The following CRYBG1 variants were observed in gnomAD, a reference collection of about 807,000 sequenced individuals.
CRYBG1 encodes the protein beta/gamma crystallin domain-containing protein 1.
In CRYBG1, 139 loss-of-function variants were observed where a neutral mutation model predicts 189.2. The observed-to-expected ratio is 0.73, with a 90% CI of 0.64 to 0.85. The LOEUF is 0.85. CRYBG1 is among the 40% of genes least tolerant of loss of function. The pLI is 0.00. For missense variants in CRYBG1, 2,611 were observed against 2,675.8 expected (o/e 0.98, Z 0.53); for synonymous variants, 1,023 against 1,017.1 (o/e 1.01, Z -0.11).
chr6:106,540,250 GTGT>G (rs1394976214), intron 9 of CRYBG1, among the ~76,000 whole-genome samples: 3 of 152,238 alleles, frequency 2.0e-5, no homozygotes, highest in African/African-American at 7.2e-5. Flanking sequence ...GTTGAGCGCA[GTGT>G]GTGCTGCAGC....
At chr6:106,419,776 A>G (rs538917926) in intron 1 of CRYBG1, among the ~76,000 whole-genome samples, 1 of 152,356 alleles carries the variant, frequency 6.6e-6, no homozygotes, top group East Asian at 1.9e-4. Context: ...GATAGCCTCC[A>G]GCAAGCTCCA....
At chr6:106,566,958 G>A (rs1386235388) in intron 21 of CRYBG1, among the ~76,000 whole-genome samples, 1 of 152,048 alleles carries the variant, frequency 6.6e-6, no homozygotes, top group African/African-American at 2.4e-5. Context: ...CACATACCTT[G>A]TAACAACAGT....
intron 2 of CRYBG1, among the ~76,000 whole-genome samples, chr6:106,456,108 C>T (rs1318173637): frequency 1.3e-5 from 2 of 152,182 alleles, no homozygotes; most frequent in Non-Finnish European, 2.9e-5. Flanking sequence ...CTGCTTTATT[C>T]TCAACTATCT....
intron 1 of CRYBG1, among the ~76,000 whole-genome samples, chr6:106,374,431 A>C (rs923579544): frequency 4.6e-5 from 7 of 152,072 alleles, no homozygotes; most frequent in Non-Finnish European, 8.8e-5. Context: ...GGTGGCATGC[A>C]CCTGTAGTCC....
chr6:106,373,946 G>A (rs936956353), intron 1 of CRYBG1, among the ~76,000 whole-genome samples: 9 of 152,228 alleles, frequency 5.9e-5, no homozygotes, highest in African/African-American at 2.2e-4. Flanking sequence ...ATGTGTGACT[G>A]TAACTGAGCA....
At chr6:106,487,980 C>A (rs6902015) in intron 2 of CRYBG1, among the ~76,000 whole-genome samples, 18,681 of 151,972 alleles carry the variant, frequency 0.12, 1,327 homozygotes, top group East Asian at 0.27. Context: ...TTTCCTATAC[C>A]TGGGTCTAGG....
intron 1 of CRYBG1, among the ~76,000 whole-genome samples, chr6:106,436,295 CT>C (rs56333625): frequency 0.099 from 13,435 of 135,344 alleles, 186 homozygotes; most frequent in African/African-American, 0.11. Flanking sequence ...CATGCAATCT[CT>C]TTTTTTTTTT....
rs1405233441 is a variant in CRYBG1 at position 106,520,861 on chromosome 6, A to G, written c.3653A>G (p.Glu1218Gly). The G allele has an allele frequency of 1.2e-6, 2 of 1,614,102 alleles. No homozygotes were observed. The highest frequency in any genetic ancestry group is 1.7e-6 in the Non-Finnish European group (2 of 1,180,036). Residue 1218 changes from glutamate (E) to glycine (G), a missense_variant, in exon 4 of 22, where the codon GAA (glutamate) becomes GGA (glycine). Physicochemically the swap from Glu to Gly is moderately conservative, Grantham distance 98. Coordinates refer to ENST00000633556, the MANE Select transcript of CRYBG1 (RefSeq NM_001371242.2). Reference sequence around the variant, plus strand: ...AACAGTGAGCCTCTGGTGATGCCGGAAATCAATGACAAAGAGAACAGGGAC... The same window carrying G: ...AACAGTGAGCCTCTGGTGATGCCGGGAATCAATGACAAAGAGAACAGGGAC... The part of the protein sequence containing the change: ...NGNSEPLVMP[E>G]INDKENRDVT...
At chr6:106,367,848 T>G (rs1413361133) in intron 1 of CRYBG1, among the ~76,000 whole-genome samples, 2 of 150,856 alleles carry the variant, frequency 1.3e-5, no homozygotes, top group Non-Finnish European at 2.9e-5. Context: ...ACACCTGTGG[T>G]CTCAGCTACT....
intron 17 of CRYBG1, among the ~76,000 whole-genome samples, chr6:106,558,161 AG>A (rs5878897): frequency 0.79 from 119,804 of 152,118 alleles, 48,961 homozygotes; most frequent in Non-Finnish European, 0.89. Context: ...TCCTTGTCCC[AG>A]TGAAAATGGC....
intron 1 of CRYBG1, among the ~76,000 whole-genome samples, chr6:106,436,665 A>T (rs1456928634): frequency 2.7e-5 from 3 of 109,236 alleles, no homozygotes; most frequent in Non-Finnish European, 3.9e-5. Context: ...GATAAATGGC[A>T]TTCCATAATA....
intron 2 of CRYBG1, among the ~76,000 whole-genome samples, chr6:106,467,987 T>G (rs1353840513): frequency 6.6e-6 from 1 of 152,048 alleles, no homozygotes; most frequent in Non-Finnish European, 1.5e-5. Context: ...GAGGGTGTCT[T>G]AAATGAGGGA....
intron 10 of CRYBG1, among the ~76,000 whole-genome samples, chr6:106,542,634 ATTTTATTT>A (rs1774159664): frequency 1.6e-5 from 2 of 126,158 alleles, no homozygotes; most frequent in South Asian, 4.6e-4. Flanking sequence ...ATTTTATTTT[ATTTTATTT>A]TATTTTATTT....
intron 10 of CRYBG1, among the ~76,000 whole-genome samples, chr6:106,542,698 T>A (rs969099775): frequency 6.7e-6 from 1 of 150,084 alleles, no homozygotes; most frequent in East Asian, 2.0e-4. Context: ...GTCACCCAGG[T>A]TGGAGTGCAG....
At chr6:106,399,331 A>T (rs1770673775) in intron 1 of CRYBG1, among the ~76,000 whole-genome samples, 1 of 152,184 alleles carries the variant, frequency 6.6e-6, no homozygotes, top group Non-Finnish European at 1.5e-5. Flanking sequence ...CATATAAGTT[A>T]TCATTTATCT....
rs138492980 is a variant in CRYBG1 at position 106,373,135 on chromosome 6, G to T, written c.173+12054G>T. On this transcript the variant is annotated intron_variant, in intron 1 of 21. Coordinates refer to ENST00000633556, the MANE Select transcript of CRYBG1 (RefSeq NM_001371242.2). ...AAGCATTTCCTCCTTTTGATTACAT[G>T]CACCCTACTTGGTCCCATTGTACAG... Among the ~76,000 whole-genome samples the T allele has an allele frequency of 2.8e-3, 429 of 152,246 alleles. 3 individuals are homozygous for T. The highest frequency in any genetic ancestry group is 1.0e-2 in the African/African-American group (414 of 41,552).
At chr6:106,507,660 A>G (rs1582803539) in intron 2 of CRYBG1, among the ~76,000 whole-genome samples, 1 of 152,016 alleles carries the variant, frequency 6.6e-6, no homozygotes, top group African/African-American at 2.4e-5. Flanking sequence ...CTCTCTGACA[A>G]CTCCCAGGCC....
intron 1 of CRYBG1, among the ~76,000 whole-genome samples, chr6:106,417,001 T>TTTC (rs1771034253): frequency 7.5e-6 from 1 of 132,510 alleles, no homozygotes; most frequent in African/African-American, 2.9e-5. Flanking sequence ...GGGATTTACT[T>TTTC]TTTTTTTTTT....
chr6:106,374,196 A>G (rs1770101818), intron 1 of CRYBG1, among the ~76,000 whole-genome samples: 1 of 152,208 alleles, frequency 6.6e-6, no homozygotes, highest in Non-Finnish European at 1.5e-5. Flanking sequence ...AAGCTGCAAT[A>G]TTCACCATTA....
Sources: allele counts gnomAD v4.1 joint callset (sites outside exome capture counted in the v4.1 genomes callset), GRCh38; gene constraint gnomAD v4.1.1; transcripts MANE v1.5; gene names NCBI Gene and HGNC (gene_info 2026-07-23, HGNC 2026-07-21).